Variants in MAGI1 observed in about 807,000 individuals in gnomAD.
MAGI1 encodes the protein membrane-associated guanylate kinase, WW and PDZ domain-containing protein 1.
Under a neutral mutation model 139.9 loss-of-function variants are expected in MAGI1, and 58 were observed. The observed-to-expected ratio is 0.41, with a 90% confidence interval of 0.34 to 0.52. The LOEUF is 0.52. MAGI1 is among the 20% of genes least tolerant of loss of function. The pLI, the probability that MAGI1 is intolerant of heterozygous loss-of-function variation, is 0.12. For missense variants in MAGI1, 1,874 were observed against 1,901.6 expected, an observed-to-expected ratio of 0.99 and a Z score of 0.27; for synonymous variants, 812 against 737.9, an observed-to-expected ratio of 1.10 and a Z score of -1.63.
At chr3:65,690,274 G>A (rs775370237) in intron 1 of MAGI1, among the ~76,000 whole-genome samples, 3 of 152,154 alleles carry the variant, frequency 2.0e-5, no homozygotes, top group Non-Finnish European at 4.4e-5. Flanking sequence ...CCAAGGGACA[G>A]AGAAGGGTTG....
At chr3:65,390,157 G>T (rs957538232) in intron 14 of MAGI1, among the ~76,000 whole-genome samples, 1 of 152,136 alleles carries the variant, frequency 6.6e-6, no homozygotes, top group Admixed American at 6.5e-5. Flanking sequence ...CACGACTCTC[G>T]ATGGGGACCC....
intron 22 of MAGI1, chr3:65,360,109 G>C (rs1011546733): frequency 2.0e-6 from 2 of 985,174 alleles, no homozygotes; most frequent in Non-Finnish European, 2.4e-6. Flanking sequence ...CGAACACCTG[G>C]GAAGGCTGGC....
intron 1 of MAGI1, among the ~76,000 whole-genome samples, chr3:65,677,621 T>C (rs1181740868): frequency 6.6e-6 from 1 of 152,216 alleles, no homozygotes; most frequent in East Asian, 1.9e-4. Context: ...GAGAGAATCA[T>C]CACTTTGTGT....
chr3:65,845,454 A>G (rs959629116), intron 1 of MAGI1, among the ~76,000 whole-genome samples: 2 of 152,162 alleles, frequency 1.3e-5, no homozygotes, highest in Admixed American at 1.3e-4. Flanking sequence ...AATATCTACC[A>G]CACTGGAATG....
chr3:65,415,364 A>C (rs1454746109), intron 12 of MAGI1, among the ~76,000 whole-genome samples: 1 of 152,230 alleles, frequency 6.6e-6, no homozygotes, highest in African/African-American at 2.4e-5. Context: ...ACTCTTCATC[A>C]GAACAGGGCA....
At chr3:65,791,674 G>A (rs2039782262) in intron 1 of MAGI1, among the ~76,000 whole-genome samples, 1 of 152,112 alleles carries the variant, frequency 6.6e-6, no homozygotes, top group Non-Finnish European at 1.5e-5. Flanking sequence ...TTAAATTAAT[G>A]AGGAGGTAAA....
chr3:65,585,246 T>C (rs2081619436), intron 2 of MAGI1, among the ~76,000 whole-genome samples: 2 of 152,194 alleles, frequency 1.3e-5, no homozygotes. Flanking sequence ...AGATATCATC[T>C]TGGTATTAAA....
chr3:65,530,073 A>G (rs539468155), intron 2 of MAGI1, among the ~76,000 whole-genome samples: 1 of 152,154 alleles, frequency 6.6e-6, no homozygotes, highest in African/African-American at 2.4e-5. Flanking sequence ...GTTGGAAAAA[A>G]AATGCATGAA....
At chr3:65,504,414 A>G (rs183045863) in intron 2 of MAGI1, among the ~76,000 whole-genome samples, 1 of 152,360 alleles carries the variant, frequency 6.6e-6, no homozygotes, top group East Asian at 1.9e-4. Flanking sequence ...TAATATTATT[A>G]TCCTATGTCA....
chr3:66,036,962 T>G (rs952278579), intron 1 of MAGI1, among the ~76,000 whole-genome samples: 5 of 152,136 alleles, frequency 3.3e-5, no homozygotes, highest in Non-Finnish European at 7.4e-5. Context: ...ATGCATCTTT[T>G]AAAAGGCCTC....
chr3:65,999,463 C>A (rs2066625690), intron 1 of MAGI1, among the ~76,000 whole-genome samples: 1 of 152,074 alleles, frequency 6.6e-6, no homozygotes, highest in South Asian at 2.1e-4. Context: ...CGATATCTTT[C>A]TTTACCCCTC....
chr3:66,004,983 C>T (rs2066936727), intron 1 of MAGI1, among the ~76,000 whole-genome samples: 1 of 152,172 alleles, frequency 6.6e-6, no homozygotes, highest in African/African-American at 2.4e-5. Context: ...AGCTTGGTTC[C>T]TTCTGTATCC....
chr3:65,651,530 G>A (rs904790327), intron 1 of MAGI1, among the ~76,000 whole-genome samples: 5 of 152,004 alleles, frequency 3.3e-5, no homozygotes, highest in East Asian at 1.9e-4. Context: ...TGTATATTGC[G>A]GCATGTGGAC....
intron 4 of MAGI1, among the ~76,000 whole-genome samples, chr3:65,478,142 G>C (rs1277721853): frequency 6.6e-6 from 1 of 151,966 alleles, no homozygotes; most frequent in Non-Finnish European, 1.5e-5. Flanking sequence ...AGATATAAGA[G>C]GATGCTGCTG....
intron 6 of MAGI1, 140 bp from the exon 7 acceptor site, chr3:65,448,197 T>G: frequency 1.3e-6 from 1 of 781,078 alleles, no homozygotes; most frequent in Non-Finnish European, 2.2e-6. Context: ...TTGTGGCTTA[T>G]TTCATTGGCT....
chr3:65,371,701 T>A (rs1222124362), intron 18 of MAGI1, among the ~76,000 whole-genome samples: 1 of 152,202 alleles, frequency 6.6e-6, no homozygotes, highest in Admixed American at 6.5e-5. Flanking sequence ...ACTGCTTTAT[T>A]AACTTAAGTT....
intron 1 of MAGI1, among the ~76,000 whole-genome samples, chr3:65,776,381 A>T (rs779497924): frequency 7.2e-5 from 11 of 152,060 alleles, no homozygotes; most frequent in Admixed American, 1.3e-4. Flanking sequence ...TGGAAGATAT[A>T]TTTCCAAAAA....
At chr3:65,440,270 T>C (rs1363336039) in intron 8 of MAGI1, among the ~76,000 whole-genome samples, 2 of 152,156 alleles carry the variant, frequency 1.3e-5, no homozygotes, top group Non-Finnish European at 2.9e-5. Context: ...AGGAGGTAAG[T>C]CCTATTTTTA....
At position 65,472,056 on chromosome 3, in the gene MAGI1, A is replaced by C. The variant is rs78214991; in HGVS notation, c.758-1572T>G. On this transcript the variant is annotated intron_variant, in intron 4 of 22. Coordinates refer to ENST00000402939, the MANE Select transcript of MAGI1 (RefSeq NM_001033057.2). The stretch of plus-strand genomic sequence containing the variant: ...TCATTTTGTTTGCTTGAACCCCCAA[A>C]TTCACTTTCCTGCTTAAACCAATTT... 7.2e-3 allele frequency among the ~76,000 whole-genome samples: 1,097 copies of C among 152,262 alleles called. 10 individuals are homozygous for C. The highest frequency in any genetic ancestry group is 0.025 in the African/African-American group (1,049 of 41,538).
Sources: gnomAD v4.1 joint callset for allele counts (sites outside exome capture counted in the v4.1 genomes callset) on GRCh38, gnomAD v4.1.1 for gene constraint, MANE v1.5 for transcripts, NCBI Gene and HGNC (gene_info 2026-07-23, HGNC 2026-07-21) for gene names.